Variants in GOLM2 observed in about 807,000 individuals in gnomAD.
The protein encoded by GOLM2 is golgi membrane protein 2.
GOLM2 carries 26 observed loss-of-function variants against 55.9 expected under a neutral mutation model. The observed-to-expected ratio is 0.47, with a 90% CI of 0.34 to 0.65. The LOEUF is 0.65. Ranked by LOEUF, GOLM2 falls within the 30% of genes least tolerant of loss-of-function variation. GOLM2 has a pLI of 0.01. For missense variants in GOLM2, 486 were observed against 531.8 expected, an observed-to-expected ratio of 0.91 and a Z score of 0.85; for synonymous variants, 165 against 194.6, an observed-to-expected ratio of 0.85 and a Z score of 1.27.
At chr15:44,395,044 C>G (rs2141206700) in intron 8 of GOLM2, among the ~76,000 whole-genome samples, 1 of 151,334 alleles carries the variant, frequency 6.6e-6, no homozygotes, top group Admixed American at 6.6e-5. Context: ...GAGTCTCGCT[C>G]TGTTGCCCAG....
At chr15:44,348,781 G>C (rs2079141865) in intron 6 of GOLM2, 2 of 157,482 alleles carry the variant, frequency 1.3e-5, no homozygotes, top group Admixed American at 1.3e-4. Flanking sequence ...CATGCCTATA[G>C]TCCCAGCTAC....
At chr15:44,341,952 T>A (rs752117632) in intron 6 of GOLM2, among the ~76,000 whole-genome samples, 9 of 152,050 alleles carry the variant, frequency 5.9e-5, no homozygotes, top group Non-Finnish European at 1.0e-4. Context: ...TGCCTCAGCC[T>A]CCCAAAGTGC....
chr15:44,289,419 G>T lies in GOLM2; in HGVS notation c.327+63G>T, dbSNP rs1446763725. The T allele has an allele frequency of 1.4e-6, 2 of 1,421,036 alleles. No homozygotes were observed. Among genetic ancestry groups the T allele is most frequent in the Non-Finnish European group, 1.9e-6 (2 of 1,046,998 alleles). 88.0% of individuals were successfully genotyped at this position (1,421,036 alleles called of 1,614,324 possible). A position where few individuals can be genotyped will look rare whatever the true frequency, so the allele number is the denominator to read the frequency against. On this transcript the variant is annotated intron_variant, in intron 1 of 9. Transcript: ENST00000299957. This position sits in a 1 kb window ranked among gnomAD's most constrained non-coding sequence, Gnocchi z 4.8. ...CTTTTCTCCCCGGGGTCTGGGGCGG[G>T]ATGTTAATCCGCTAGCTGTTGTCTT...
At chr15:44,339,109 T>A (rs1050457190) in intron 6 of GOLM2, among the ~76,000 whole-genome samples, 4 of 152,202 alleles carry the variant, frequency 2.6e-5, no homozygotes, top group African/African-American at 7.2e-5. Flanking sequence ...TTATAGCTAG[T>A]TGTACATGAC....
intron 8 of GOLM2, among the ~76,000 whole-genome samples, chr15:44,392,934 A>C (rs1175370836): frequency 6.6e-6 from 1 of 152,222 alleles, no homozygotes; most frequent in Non-Finnish European, 1.5e-5. Context: ...TATCAAATTT[A>C]ATGATTAATT....
At chr15:44,324,999 T>A (rs2141132964) in intron 2 of GOLM2, among the ~76,000 whole-genome samples, 1 of 152,294 alleles carries the variant, frequency 6.6e-6, no homozygotes, top group East Asian at 1.9e-4. Flanking sequence ...CACATGCCAA[T>A]CAGTCAAAAG....
chr15:44,407,156 T>G (rs1195796628), intron 9 of GOLM2, among the ~76,000 whole-genome samples: 3 of 146,756 alleles, frequency 2.0e-5, no homozygotes, highest in Non-Finnish European at 4.5e-5. Flanking sequence ...ATATTTATAA[T>G]ATATTTCTAT....
At chr15:44,311,084 A>G (rs954884112) in intron 1 of GOLM2, among the ~76,000 whole-genome samples, 17 of 152,290 alleles carry the variant, frequency 1.1e-4, no homozygotes, top group Non-Finnish European at 2.4e-4. Context: ...AAAGTTCTTA[A>G]AAGAACATAT....
Position 44,339,037 on chromosome 15 carries a change from G to A in GOLM2, c.802+720G>A, listed in dbSNP as rs2079074981. Among the ~76,000 whole-genome samples, 3 of 152,214 alleles carry A rather than the reference G, an allele frequency of 2.0e-5. No individual in the cohort carries two copies. The South Asian group carries it at 6.2e-4, about 32-fold the overall frequency. ...AGGGTAGAAAAATAAGAAATTAACA[G>A]CATGCCTCTACTGCTTTTGGCTGAT... On this transcript the variant is annotated intron_variant, in intron 6 of 9. Transcript: ENST00000299957.
At chr15:44,371,310 T>G (rs984170803) in intron 6 of GOLM2, among the ~76,000 whole-genome samples, 1 of 152,192 alleles carries the variant, frequency 6.6e-6, no homozygotes, top group African/African-American at 2.4e-5. Flanking sequence ...CCTTTATAAT[T>G]GTTTAGGGTA....
At chr15:44,400,714 C>T (rs1461962866) in intron 8 of GOLM2, among the ~76,000 whole-genome samples, 1 of 150,972 alleles carries the variant, frequency 6.6e-6, no homozygotes, top group African/African-American at 2.4e-5. Context: ...GTAGCTGGGA[C>T]TACAGGCGCC....
At chr15:44,304,230 CTTTTTTTTT>C (rs895623812) in intron 1 of GOLM2, among the ~76,000 whole-genome samples, 12 of 82,924 alleles carry the variant, frequency 1.4e-4, no homozygotes, top group African/African-American at 5.0e-4. Flanking sequence ...GGCTCCACTT[CTTTTTTTTT>C]TTTTTTTTTT....
chr15:44,382,127 T>TAAACATTTCCCACCAAAA (rs2079407324), intron 8 of GOLM2: 1 of 152,200 alleles, frequency 6.6e-6, no homozygotes, highest in African/African-American at 2.4e-5. Context: ...GACCAAAGTA[T>TAAACATTTCCCACCAAAA]TGTGTGAAAA....
chr15:44,312,946 G>C (rs1485911998), intron 1 of GOLM2, among the ~76,000 whole-genome samples: 1 of 152,192 alleles, frequency 6.6e-6, no homozygotes, highest in Admixed American at 6.5e-5. Context: ...GGGCGTGGTG[G>C]CGTGCTCCTG....
intron 8 of GOLM2, among the ~76,000 whole-genome samples, chr15:44,385,306 A>G (rs1331450639): frequency 2.0e-5 from 3 of 151,586 alleles, no homozygotes; most frequent in African/African-American, 7.3e-5. Context: ...AACGTATAAG[A>G]GTTCCAATTT....
intron 6 of GOLM2, among the ~76,000 whole-genome samples, chr15:44,369,068 TATATATATATATATATATATATATATA>T: frequency 3.4e-4 from 2 of 5,832 alleles, no homozygotes; most frequent in African/African-American, 8.8e-4. Context: ...TAGGATATAT[TATATATATATATATATATATATATATA>T]TATATATATA....
chr15:44,379,618 G>GTTTT (rs559031072), intron 6 of GOLM2, 72 bp from the exon 7 acceptor site: 425 of 428,242 alleles, frequency 9.9e-4, no homozygotes, highest in South Asian at 2.6e-3. Flanking sequence ...ATTCACGGTG[G>GTTTT]TTTTTTTTTT....
intron 3 of GOLM2, among the ~76,000 whole-genome samples, chr15:44,329,743 T>A (rs1265161608): frequency 1.3e-5 from 2 of 151,560 alleles, no homozygotes; most frequent in South Asian, 2.1e-4. Context: ...CTGAAAAAAA[T>A]TTTTAAAAAT....
intron 9 of GOLM2, among the ~76,000 whole-genome samples, chr15:44,407,047 A>G (rs1455314660): frequency 6.8e-6 from 1 of 147,604 alleles, no homozygotes; most frequent in East Asian, 1.9e-4. Context: ...ATGTAAGTAT[A>G]TATATAAATT....
Sources: gnomAD v4.1 joint callset for allele counts (sites outside exome capture counted in the v4.1 genomes callset) on GRCh38, gnomAD v4.1.1 for gene constraint, Gnocchi (gnomAD v3.1) non-coding constraint, MANE v1.5 for transcripts, NCBI Gene and HGNC (gene_info 2026-07-23, HGNC 2026-07-21) for gene names.